Variants in SDK1 observed in about 807,000 individuals in gnomAD.
SDK1 encodes the protein sidekick cell adhesion molecule 1.
Under a neutral mutation model 245.5 loss-of-function variants are expected in SDK1, and 157 were observed. The ratio of observed to expected loss-of-function variants is 0.64; its 90% CI spans 0.56 to 0.73. SDK1 has a LOEUF of 0.73. Among genes scored for constraint, SDK1 ranks in the 30% least tolerant of loss-of-function variants. SDK1 has a pLI of 0.00. For synonymous variants in SDK1, 1,647 were observed against 1,278.5 expected (o/e 1.29, Z -6.15); for missense variants, 3,583 against 3,002.3 (o/e 1.19, Z -4.52).
In SDK1 at chr7:4,233,337, A is replaced by G. The variant is rs1453760484; in HGVS notation, c.5910A>G (p.Gln1970=). The change falls in exon 41 of 45, where the codon CAA becomes CAG. Residue 1970 remains glutamine (Q), a synonymous_variant. Transcript: ENST00000404826. ...SYTLSLDKLR[Q]GVTYEFRVVA... Reference sequence around the variant, plus strand: ...CCCTCAGCCTGGATAAGCTCCGGCAAGGAGTGACTTACGAGTTCCGGGTGG... The same window carrying G: ...CCCTCAGCCTGGATAAGCTCCGGCAGGGAGTGACTTACGAGTTCCGGGTGG... 1.9e-6 allele frequency: 3 copies of G among 1,613,962 alleles called. No homozygotes were observed. Among genetic ancestry groups the G allele is most frequent in the Non-Finnish European group, 2.5e-6 (3 of 1,180,030 alleles).
At chr7:3,340,770 A>AG (rs1780326929) in intron 1 of SDK1, among the ~76,000 whole-genome samples, 1 of 150,922 alleles carries the variant, frequency 6.6e-6, no homozygotes, top group Non-Finnish European at 1.5e-5. Context: ...CCGTCTCAAA[A>AG]AAAAAAAAAA....
At chr7:3,329,603 T>C (rs562391571) in intron 1 of SDK1, among the ~76,000 whole-genome samples, 1 of 152,172 alleles carries the variant, frequency 6.6e-6, no homozygotes, top group Non-Finnish European at 1.5e-5. Context: ...TTCTGGACAT[T>C]TCATATAAGT....
rs148679482 is a variant in SDK1 at position 4,194,720 on chromosome 7, T to C, written c.5099-11159T>C. Among the ~76,000 whole-genome samples the C allele has an allele frequency of 9.7e-3, 1,477 of 152,270 alleles. 25 individuals carry two copies. Among genetic ancestry groups the C allele is most frequent in the African/African-American group, 0.034 (1,396 of 41,518 alleles). On this transcript the variant is annotated intron_variant, in intron 35 of 44. Coordinates refer to ENST00000404826, the MANE Select transcript of SDK1 (RefSeq NM_152744.4). Reference sequence around the variant, plus strand: ...TGCCTGCTTTATATTAAGTGGCAGCTGATGAGATGGTGCACACCACATTAA... The same window carrying C: ...TGCCTGCTTTATATTAAGTGGCAGCCGATGAGATGGTGCACACCACATTAA...
chr7:3,511,443 C>A (rs1025804601), intron 1 of SDK1, among the ~76,000 whole-genome samples: 2 of 152,140 alleles, frequency 1.3e-5, no homozygotes, highest in African/African-American at 2.4e-5. Context: ...TTATTTAGGT[C>A]ATTTTACTTA....
At chr7:3,359,745 G>C (rs1207551451) in intron 1 of SDK1, among the ~76,000 whole-genome samples, 1 of 152,178 alleles carries the variant, frequency 6.6e-6, no homozygotes, top group African/African-American at 2.4e-5. Context: ...CAGTAATTGT[G>C]AGACGGTATC....
chr7:3,962,734 C>A lies in SDK1; in HGVS notation c.1312C>A (p.Leu438Ile). 1 of 1,613,732 alleles carries A rather than the reference C, an allele frequency of 6.2e-7. No homozygotes were observed. Among genetic ancestry groups the A allele is most frequent in the Non-Finnish European group, 8.5e-7 (1 of 1,179,850 alleles). Residue 438 changes from leucine to isoleucine, a missense_variant, in exon 9 of 45, where the codon CTC becomes ATC. Physicochemically the swap from Leu to Ile is conservative, Grantham distance 5. Coordinates refer to ENST00000404826, the MANE Select transcript of SDK1 (RefSeq NM_152744.4). ...SRLQNPRYKV[L>I]ASGGLRIQKL... The stretch of plus-strand genomic sequence containing the variant: ...GCTCCAGAATCCTCGATACAAAGTG[C>A]TCGCCAGCGGAGGCCTGCGCATCCA...
chr7:3,575,187 G>T lies in SDK1; in HGVS notation c.299-43893G>T, dbSNP rs73296288. On this transcript the variant is annotated intron_variant, in intron 1 of 44. Transcript: ENST00000404826. ...GTGCCACCAGCTGAGTTTCTGGTGA[G>T]GGCTCCCTTCTTGGCTTTTGTAGGT... 8.4e-3 allele frequency among the ~76,000 whole-genome samples: 1,282 copies of T among 152,184 alleles called. 26 individuals are homozygous for T. Among genetic ancestry groups the T allele is most frequent in the African/African-American group, 0.029 (1,205 of 41,556 alleles).
chr7:3,923,544 C>T (rs1402170820), intron 5 of SDK1, among the ~76,000 whole-genome samples: 3 of 152,196 alleles, frequency 2.0e-5, no homozygotes. Flanking sequence ...CCCTGAGTAC[C>T]TGCCAGAAAT....
chr7:3,385,222 T>C (rs966378594), intron 1 of SDK1, among the ~76,000 whole-genome samples: 1 of 152,176 alleles, frequency 6.6e-6, no homozygotes, highest in African/African-American at 2.4e-5. Flanking sequence ...GAATTGATAA[T>C]ACCTTGTAAG....
chr7:3,600,827 C>T (rs919202614), intron 1 of SDK1, among the ~76,000 whole-genome samples: 1 of 152,082 alleles, frequency 6.6e-6, no homozygotes, highest in African/African-American at 2.4e-5. Flanking sequence ...GAATTACAGG[C>T]ATTAGCCACC....
In SDK1 at chr7:3,406,415, C is replaced by T. The variant is rs186885784; in HGVS notation, c.298+104531C>T. The stretch of plus-strand genomic sequence containing the variant: ...TTACTCGTTGTGTCTGAGGGATCCT[C>T]CCTGGGTTATTTTTTTCCTCTCCAA... On this transcript the variant is annotated intron_variant, in intron 1 of 44. Transcript: ENST00000404826. Among the ~76,000 whole-genome samples the T allele has an allele frequency of 1.2e-3, 181 of 152,232 alleles. 2 individuals carry two copies. Among genetic ancestry groups the T allele is most frequent in the African/African-American group, 4.1e-3 (170 of 41,544 alleles).
At chr7:4,159,908 G>A (rs1456793303) in intron 31 of SDK1, among the ~76,000 whole-genome samples, 5 of 152,256 alleles carry the variant, frequency 3.3e-5, no homozygotes, top group South Asian at 2.1e-4. Context: ...AAATTATAAC[G>A]TTGTAGGAGG....
At chr7:3,502,037 T>C (rs973683911) in intron 1 of SDK1, among the ~76,000 whole-genome samples, 1 of 152,164 alleles carries the variant, frequency 6.6e-6, no homozygotes, top group Non-Finnish European at 1.5e-5. Flanking sequence ...CAATTACATA[T>C]AAGCTTACTG....
intron 1 of SDK1, among the ~76,000 whole-genome samples, chr7:3,467,977 G>GT (rs11396567): frequency 0.31 from 22,462 of 72,744 alleles, 1,932 homozygotes; most frequent in South Asian, 0.47. Flanking sequence ...TTGTTGTCAT[G>GT]TTTTTTTAAT....
At chr7:3,491,903 T>G (rs970667492) in intron 1 of SDK1, among the ~76,000 whole-genome samples, 3 of 152,248 alleles carry the variant, frequency 2.0e-5, no homozygotes, top group Middle Eastern at 3.2e-3. Flanking sequence ...TTAACATTGG[T>G]AACAGTATAT....
chr7:4,078,008 T>G (rs1780806507), intron 21 of SDK1, among the ~76,000 whole-genome samples: 1 of 152,182 alleles, frequency 6.6e-6, no homozygotes, highest in South Asian at 2.1e-4. Flanking sequence ...ACATTGTTTA[T>G]CCAGGGCAGG....
chr7:3,907,831 G>T (rs1779008018), intron 5 of SDK1, among the ~76,000 whole-genome samples: 2 of 152,174 alleles, frequency 1.3e-5, no homozygotes, highest in African/African-American at 2.4e-5. Flanking sequence ...CCCAGTTCTT[G>T]TTTCTTATTG....
At chr7:3,330,754 C>T (rs974610707) in intron 1 of SDK1, among the ~76,000 whole-genome samples, 1 of 146,332 alleles carries the variant, frequency 6.8e-6, no homozygotes, top group African/African-American at 2.5e-5. Context: ...AAGAAGACTG[C>T]TTGAGAACAG....
chr7:4,266,811 GC>G lies in SDK1; in HGVS notation c.*1432del. ...GTGTGTGCCCCGGGTCCCTGTAAGT[GC>G]CCCCTCACCAGCAGCAGCGTGACAC... On this transcript the variant is annotated 3_prime_UTR_variant, in exon 45 of 45. Coordinates refer to ENST00000404826, the MANE Select transcript of SDK1 (RefSeq NM_152744.4). The G allele has an allele frequency of 2.0e-6, 2 of 985,480 alleles. No homozygotes were observed. Among genetic ancestry groups the G allele is most frequent in the Non-Finnish European group, 2.4e-6 (2 of 829,996 alleles). 61.0% of individuals were successfully genotyped at this position (985,480 alleles called of 1,614,324 possible).
Sources: gnomAD v4.1 joint callset for allele counts (sites outside exome capture counted in the v4.1 genomes callset) on GRCh38, gnomAD v4.1.1 for gene constraint, MANE v1.5 for transcripts, NCBI Gene and HGNC (gene_info 2026-07-23, HGNC 2026-07-21) for gene names.